BMP5: variants seen among roughly 807,000 people sequenced by gnomAD.
BMP5 encodes bone morphogenetic protein 5.
BMP5 carries 23 observed loss-of-function variants against 46.6 expected under a neutral mutation model. That is an observed-to-expected ratio of 0.49 (90% CI 0.35 to 0.70). BMP5 has a LOEUF of 0.70. Ranked by LOEUF, BMP5 falls within the 30% of genes least tolerant of loss-of-function variation. The pLI is 0.00. For synonymous variants in BMP5, 204 were observed against 191.9 expected, an observed-to-expected ratio of 1.06 and a Z score of -0.52; for missense variants, 545 against 565.6, an observed-to-expected ratio of 0.96 and a Z score of 0.37.
chr6:55,774,753 C>T (rs544332208), intron 3 of BMP5, among the ~76,000 whole-genome samples: 3 of 151,920 alleles, frequency 2.0e-5, no homozygotes, highest in Non-Finnish European at 4.4e-5. Context: ...GCCCAGCAAC[C>T]TTTACTAAGC....
chr6:55,833,944 C>T (rs531704581), intron 1 of BMP5, among the ~76,000 whole-genome samples: 6 of 151,976 alleles, frequency 3.9e-5, no homozygotes, highest in East Asian at 3.9e-4. Context: ...AGATATTATG[C>T]AAAAATCTAT....
intron 1 of BMP5, among the ~76,000 whole-genome samples, chr6:55,868,255 G>A (rs1476788874): frequency 1.3e-5 from 2 of 152,114 alleles, no homozygotes; most frequent in East Asian, 3.9e-4. Context: ...AACAACTCCA[G>A]GAAACCTGTT....
intron 3 of BMP5, among the ~76,000 whole-genome samples, chr6:55,781,103 T>C (rs891645525): frequency 6.6e-6 from 1 of 152,120 alleles, no homozygotes; most frequent in African/African-American, 2.4e-5. Flanking sequence ...TGTCTTTATA[T>C]ATAGCACCTT....
At chr6:55,834,821 C>G (rs1000380140) in intron 1 of BMP5, among the ~76,000 whole-genome samples, 42 of 152,246 alleles carry the variant, frequency 2.8e-4, no homozygotes, top group African/African-American at 9.9e-4. Context: ...CGGCTCACGC[C>G]TGTAATCCCA....
chr6:55,775,788 A>C (rs1189596611), intron 3 of BMP5, among the ~76,000 whole-genome samples: 1 of 151,976 alleles, frequency 6.6e-6, no homozygotes, highest in Non-Finnish European at 1.5e-5. Context: ...TTTTGGCAGC[A>C]TAAAAACTTT....
chr6:55,823,112 G>T (rs1182587169), intron 1 of BMP5, among the ~76,000 whole-genome samples: 1 of 152,054 alleles, frequency 6.6e-6, no homozygotes, highest in Non-Finnish European at 1.5e-5. Context: ...GAAATTGGGT[G>T]ATGACAGCTA....
At chr6:55,756,076 T>C (rs1360369948) in intron 6 of BMP5, among the ~76,000 whole-genome samples, 1 of 151,964 alleles carries the variant, frequency 6.6e-6, no homozygotes, top group Non-Finnish European at 1.5e-5. Flanking sequence ...AAACACATAG[T>C]TGCAGAAAGA....
At chr6:55,783,874 C>T (rs1042560000) in intron 3 of BMP5, among the ~76,000 whole-genome samples, 5 of 151,924 alleles carry the variant, frequency 3.3e-5, no homozygotes, top group African/African-American at 9.7e-5. Context: ...TAGCCAAGCA[C>T]TTCTGAACCC....
intron 3 of BMP5, among the ~76,000 whole-genome samples, chr6:55,779,258 T>C (rs1487365063): frequency 1.3e-5 from 2 of 152,056 alleles, no homozygotes; most frequent in African/African-American, 4.8e-5. Context: ...TTAGCATACA[T>C]TCCAGTTCGT....
intron 4 of BMP5, among the ~76,000 whole-genome samples, chr6:55,767,745 A>G (rs190658346): frequency 8.7e-4 from 132 of 152,116 alleles, no homozygotes; most frequent in Middle Eastern, 3.4e-3. Flanking sequence ...GCAGCATTGC[A>G]GGATTTTCAG....
intron 3 of BMP5, among the ~76,000 whole-genome samples, chr6:55,774,684 C>A (rs920118514): frequency 2.0e-5 from 3 of 151,954 alleles, no homozygotes; most frequent in African/African-American, 7.2e-5. Flanking sequence ...CCAGCCTATT[C>A]GAAGCCTTTC....
intron 1 of BMP5, among the ~76,000 whole-genome samples, chr6:55,867,363 A>T (rs1209976531): frequency 6.6e-6 from 1 of 152,110 alleles, no homozygotes; most frequent in South Asian, 2.1e-4. Context: ...TGCCATCCCA[A>T]GATACTATAT....
At chr6:55,802,672 A>T (rs9370468) in intron 2 of BMP5, among the ~76,000 whole-genome samples, 15,768 of 152,074 alleles carry the variant, frequency 0.1, 936 homozygotes, top group African/African-American at 0.14. Context: ...GTATTGTAAT[A>T]TGGTATTTAT....
rs34694568 is a variant in BMP5 at position 55,850,392 on chromosome 6, A to AGATC, written c.490+23980_490+23983dup. Among the ~76,000 whole-genome samples the AGATC allele has an allele frequency of 4.9e-5, 7 of 142,362 alleles. No homozygotes were observed. The East Asian group carries it at 9.8e-4, about 20-fold the overall frequency. 93.4% of individuals were successfully genotyped at this position (142,362 alleles called of 152,430 possible). On this transcript the variant is annotated intron_variant, in intron 1 of 6. Coordinates refer to ENST00000370830, the MANE Select transcript of BMP5 (RefSeq NM_021073.4). ...TAGATAGATAGATAGATAGATAGAT[A>AGATC]GATCGATAGATATAGATAGATAGAT...
chr6:55,755,781 C>T, intron 6 of BMP5, 99 bp from the exon 7 acceptor site: 3 of 1,156,452 alleles, frequency 2.6e-6, no homozygotes, highest in Non-Finnish European at 2.5e-6. Context: ...TAATCAGGCA[C>T]ACCATTAAGC....
At chr6:55,779,116 C>T (rs148254759) in intron 3 of BMP5, among the ~76,000 whole-genome samples, 418 of 152,160 alleles carry the variant, frequency 2.7e-3, no homozygotes, top group African/African-American at 9.8e-3. Flanking sequence ...AACAGCTCTT[C>T]AGACACATGT....
Position 55,802,909 on chromosome 6 carries a change from G to C in BMP5, c.684-8482C>G, listed in dbSNP as rs1007607570. Among the ~76,000 whole-genome samples the C allele has an allele frequency of 2.0e-5, 3 of 151,456 alleles. 1 individual carries two copies. The South Asian group carries it at 6.2e-4, about 32-fold the overall frequency. On this transcript the variant is annotated intron_variant, in intron 2 of 6. Coordinates refer to ENST00000370830, the MANE Select transcript of BMP5 (RefSeq NM_021073.4). The stretch of plus-strand genomic sequence containing the variant: ...TTGAAATTACAATACTTCAAAGGGG[G>C]AGTATGGCTCAGCTAGAAAAGGAAT...
At chr6:55,783,078 G>C in intron 3 of BMP5, among the ~76,000 whole-genome samples, 1 of 152,008 alleles carries the variant, frequency 6.6e-6, no homozygotes, top group East Asian at 1.9e-4. Flanking sequence ...CAAGAATAAT[G>C]TTATAGCTGC....
intron 1 of BMP5, among the ~76,000 whole-genome samples, chr6:55,849,032 C>T (rs763253512): frequency 5.0e-4 from 76 of 152,024 alleles, no homozygotes; most frequent in Admixed American, 3.4e-3. Flanking sequence ...TCTAATCACA[C>T]TTCTATGCAA....
Sources: allele counts gnomAD v4.1 joint callset (sites outside exome capture counted in the v4.1 genomes callset), GRCh38; gene constraint gnomAD v4.1.1; transcripts MANE v1.5; gene names NCBI Gene and HGNC (gene_info 2026-07-23, HGNC 2026-07-21).